The following DET1 variants were observed in gnomAD, a reference collection of about 807,000 sequenced individuals.
DET1 encodes DET1 homolog.
A neutral mutation model predicts 43.7 loss-of-function variants in DET1; 22 were observed. The observed-to-expected ratio is 0.50, with a 90% CI of 0.36 to 0.72. The LOEUF (loss-of-function observed/expected upper bound fraction) is 0.72. Ranked by LOEUF, DET1 falls within the 30% of genes least tolerant of loss-of-function variation. The pLI is 0.00. For synonymous variants in DET1, 315 were observed against 266.2 expected (o/e 1.18, Z -1.79); for missense variants, 713 against 713.3 (o/e 1.00, Z 0.00).
chr15:88,532,571 A>C (rs1218997707), intron 1 of DET1, among the ~76,000 whole-genome samples: 1 of 152,252 alleles, frequency 6.6e-6, no homozygotes, highest in Non-Finnish European at 1.5e-5. Context: ...AAACCACAGT[A>C]ATCAAAAAAT....
intron 3 of DET1, among the ~76,000 whole-genome samples, chr15:88,519,319 C>T (rs188413956): frequency 3.3e-5 from 5 of 152,282 alleles, no homozygotes; most frequent in East Asian, 3.9e-4. Context: ...TCTTAGTTCT[C>T]GGTAATTTCA....
Position 88,530,687 on chromosome 15 carries a change from T to C in DET1, c.1019A>G (p.Asn340Ser). The C allele has an allele frequency of 1.9e-6, 3 of 1,613,760 alleles. No individual in the cohort carries two copies. The highest frequency in any genetic ancestry group is 2.5e-6 in the Non-Finnish European group (3 of 1,179,834). The change falls in exon 2 of 5, where the codon AAC becomes AGC. Residue 340 changes from asparagine (N) to serine (S), a missense_variant. Asn to Ser is a conservative substitution (Grantham distance 46). Transcript: ENST00000268148. Reference sequence around the variant, plus strand: ...ACTAGTGTACTTGATAAACAGGTGGTTTTCATCCAGAAGCTGCATTTTCCA... The same window carrying C: ...ACTAGTGTACTTGATAAACAGGTGGCTTTCATCCAGAAGCTGCATTTTCCA... ...RMWKMQLLDE[N>S]HLFIKYTSED...
At chr15:88,524,162 G>T (rs2056589957) in intron 3 of DET1, among the ~76,000 whole-genome samples, 1 of 151,696 alleles carries the variant, frequency 6.6e-6, no homozygotes, top group Non-Finnish European at 1.5e-5. Context: ...CCTCTGTCCG[G>T]CCGCGACCCC....
intron 1 of DET1, among the ~76,000 whole-genome samples, chr15:88,540,259 CAGG>C (rs912550615): frequency 2.6e-5 from 4 of 152,082 alleles, no homozygotes; most frequent in African/African-American, 9.7e-5. Flanking sequence ...CCAACTGACC[CAGG>C]AGACCTCAGG....
chr15:88,522,512 G>GTTTGTTTTTTTTTTTTT (rs1687176742), intron 3 of DET1, among the ~76,000 whole-genome samples: 1 of 80,258 alleles, frequency 1.2e-5, no homozygotes, highest in East Asian at 4.0e-4. Context: ...AATGTTCCTG[G>GTTTGTTTTTTTTTTTTT]TTTTTTTTTT....
In DET1 at chr15:88,531,894, G is replaced by C; in HGVS notation, c.-10-179C>G. ...GAGTAAGTGGTCCTAACATTTCTAAGTCTAGAAACAGGTCTAAGGGAAGGA... is the reference window on the plus strand; with the variant it reads ...GAGTAAGTGGTCCTAACATTTCTAACTCTAGAAACAGGTCTAAGGGAAGGA... On this transcript the variant is annotated intron_variant, in intron 1 of 4. Coordinates refer to ENST00000268148, the MANE Select transcript of DET1 (RefSeq NM_001144074.3). The surrounding 1 kb of genome is among the most constrained non-coding windows in gnomAD (Gnocchi z 6.2). 1 of 623,380 alleles carries C rather than the reference G, an allele frequency of 1.6e-6. No homozygotes were observed. The highest frequency in any genetic ancestry group is 2.7e-6 in the Non-Finnish European group (1 of 368,520). The allele number at this position is 623,380 out of a possible 1,614,324, so 38.6% of individuals were successfully genotyped here. A position where few individuals can be genotyped will look rare whatever the true frequency, so the allele number is the denominator to read the frequency against.
chr15:88,531,793 A>G lies in DET1; in HGVS notation c.-10-78T>C, dbSNP rs2056823152. On this transcript the variant is annotated intron_variant, in intron 1 of 4. Coordinates refer to ENST00000268148, the MANE Select transcript of DET1 (RefSeq NM_001144074.3). This position sits in a 1 kb window ranked among gnomAD's most constrained non-coding sequence, Gnocchi z 6.2. ...ATATAAATATATACAAGTGAAACAG[A>G]TTTCTCTTCTTATATCCTGAACCTA... 20 of 1,362,756 alleles carry G rather than the reference A, an allele frequency of 1.5e-5. No individual in the cohort carries two copies. Among genetic ancestry groups the G allele is most frequent in the Non-Finnish European group, 1.9e-5 (19 of 1,021,260 alleles). The allele number at this position is 1,362,756 out of a possible 1,614,324, so 84.4% of individuals were successfully genotyped here.
chr15:88,518,179 C>T (rs1053593555), intron 3 of DET1, among the ~76,000 whole-genome samples: 13 of 150,614 alleles, frequency 8.6e-5, no homozygotes, highest in Admixed American at 6.7e-4. Context: ...TGGCCTCAAG[C>T]GATCCACCCA....
chr15:88,524,659 G>A (rs1460569084), intron 3 of DET1, among the ~76,000 whole-genome samples: 1 of 152,196 alleles, frequency 6.6e-6, no homozygotes, highest in East Asian at 1.9e-4. Context: ...CCCCAACCCT[G>A]TGCTCTCTGA....
intron 2 of DET1, among the ~76,000 whole-genome samples, chr15:88,529,153 A>G (rs987569924): frequency 6.6e-6 from 1 of 152,194 alleles, no homozygotes; most frequent in Non-Finnish European, 1.5e-5. Context: ...GGATAATCTC[A>G]AAGGCAGCAG....
Position 88,516,744 on chromosome 15 carries a change from C to G in DET1, c.1463+38G>C. On this transcript the variant is annotated intron_variant, in intron 4 of 4. Transcript: ENST00000268148. The surrounding 1 kb of genome is among the most constrained non-coding windows in gnomAD (Gnocchi z 4.4). ...GAAAAAGAAAGCAGGCCATCTTCAG[C>G]CCTTGAGCAGTTTGTAGCTATAGCA... 1 of 1,473,588 alleles carries G rather than the reference C, an allele frequency of 6.8e-7. No individual in the cohort carries two copies. Among genetic ancestry groups the G allele is most frequent in the Non-Finnish European group, 9.0e-7 (1 of 1,110,950 alleles). 91.3% of individuals were successfully genotyped at this position (1,473,588 alleles called of 1,614,324 possible).
chr15:88,536,076 G>T (rs1463785839), intron 1 of DET1, among the ~76,000 whole-genome samples: 2 of 152,194 alleles, frequency 1.3e-5, no homozygotes, highest in African/African-American at 4.8e-5. Flanking sequence ...ACCTATAGAG[G>T]TGCAACAATT....
chr15:88,518,180 G>A (rs894893953), intron 3 of DET1, among the ~76,000 whole-genome samples: 5 of 149,806 alleles, frequency 3.3e-5, no homozygotes, highest in East Asian at 2.0e-4. Context: ...GGCCTCAAGC[G>A]ATCCACCCAC....
At chr15:88,545,054 C>T (rs2057212378) in intron 1 of DET1, among the ~76,000 whole-genome samples, 1 of 152,034 alleles carries the variant, frequency 6.6e-6, no homozygotes, top group Non-Finnish European at 1.5e-5. Flanking sequence ...CGCTAGCTGT[C>T]GAGATACTTA....
At position 88,527,665 on chromosome 15, in the gene DET1, A is replaced by T; in HGVS notation, c.1205T>A (p.Leu402Gln). Residue 402 changes from leucine (L) to glutamine (Q), a missense_variant, in exon 3 of 5, where the codon CTG becomes CAG. Physicochemically the swap from Leu to Gln is moderately radical, Grantham distance 113. Coordinates refer to ENST00000268148, the MANE Select transcript of DET1 (RefSeq NM_001144074.3). ...GCAGGGAAACTGAACTTCACTGTGC[A>T]GGGTAGCATTACGAAAAAGGTCACA... is the stretch of plus-strand genomic sequence containing the variant. ...NFCDLFRNATLHSEVQFPCSA... is the reference protein window; with the variant it reads ...NFCDLFRNATQHSEVQFPCSA... The T allele has an allele frequency of 6.2e-7, 1 of 1,613,778 alleles. No individual in the cohort carries two copies. The highest frequency in any genetic ancestry group is 8.5e-7 in the Non-Finnish European group (1 of 1,179,786).
Position 88,531,942 on chromosome 15 carries a change from C to A in DET1, c.-10-227G>T. 2.0e-6 allele frequency: 1 copy of A among 504,850 alleles called. No homozygotes were observed. Among genetic ancestry groups the A allele is most frequent in the Non-Finnish European group, 3.5e-6 (1 of 288,256 alleles). 31.3% of individuals were successfully genotyped at this position (504,850 alleles called of 1,614,324 possible). On this transcript the variant is annotated intron_variant, in intron 1 of 4. Coordinates refer to ENST00000268148, the MANE Select transcript of DET1 (RefSeq NM_001144074.3). The surrounding 1 kb of genome is among the most constrained non-coding windows in gnomAD (Gnocchi z 6.2). The stretch of plus-strand genomic sequence containing the variant: ...GGATCTAGTTCACTAGGAATACCTT[C>A]CAAGTATGCTCAGCTGTTGGGAAAG...
chr15:88,510,145 G>A (rs937518405), downstream of DET1, among the ~76,000 whole-genome samples: 2 of 152,244 alleles, frequency 1.3e-5, no homozygotes, highest in African/African-American at 4.8e-5. Flanking sequence ...AGTAAAGAGA[G>A]TGAGGTGAAA....
intron 3 of DET1, among the ~76,000 whole-genome samples, chr15:88,525,054 A>G (rs1424376526): frequency 6.6e-6 from 1 of 152,222 alleles, no homozygotes; most frequent in Non-Finnish European, 1.5e-5. Context: ...TCTGTTGGGG[A>G]GACAGAAGAG....
At chr15:88,546,379 G>A (rs1221472582) in intron 1 of DET1, 161 bp downstream of exon 1, 7 of 152,258 alleles carry the variant, frequency 4.6e-5, no homozygotes, top group Non-Finnish European at 1.0e-4. Context: ...CCAAAAGGGC[G>A]CCCCCGGAAA....
Sources: gnomAD v4.1 joint callset for allele counts (sites outside exome capture counted in the v4.1 genomes callset) on GRCh38, gnomAD v4.1.1 for gene constraint, Gnocchi (gnomAD v3.1) non-coding constraint, MANE v1.5 for transcripts, NCBI Gene and HGNC (gene_info 2026-07-23, HGNC 2026-07-21) for gene names.